ADCY7: variants seen among roughly 807,000 people sequenced by gnomAD.
The protein encoded by ADCY7 is adenylate cyclase 7.
ADCY7 carries 72 observed loss-of-function variants against 120.6 expected under a neutral mutation model. That is an observed-to-expected ratio of 0.60 (90% confidence interval 0.49 to 0.73). The LOEUF (loss-of-function observed/expected upper bound fraction) is 0.73, where lower values mean the gene tolerates loss of function less well. Ranked by LOEUF, ADCY7 falls within the 30% of genes least tolerant of loss-of-function variation. The pLI is 0.00. For missense variants in ADCY7, 1,227 were observed against 1,486.0 expected (o/e 0.83, Z 2.87); for synonymous variants, 661 against 628.0 (o/e 1.05, Z -0.78).
At chr16:50,253,741 G>T (rs537215884) in intron 1 of ADCY7, among the ~76,000 whole-genome samples, 1 of 152,162 alleles carries the variant, frequency 6.6e-6, no homozygotes, top group East Asian at 1.9e-4. Flanking sequence ...TTCTAATGAC[G>T]CCGCCCAGGC....
chr16:50,290,141 G>T (rs530517556), intron 2 of ADCY7, among the ~76,000 whole-genome samples: 129 of 152,344 alleles, frequency 8.5e-4, no homozygotes, highest in Non-Finnish European at 1.6e-3. Flanking sequence ...CTGTGCTTGT[G>T]GTATCACCTG....
At chr16:50,283,464 C>T (rs903443786) in intron 1 of ADCY7, among the ~76,000 whole-genome samples, 4 of 152,220 alleles carry the variant, frequency 2.6e-5, no homozygotes, top group Non-Finnish European at 5.9e-5. Context: ...CCAAAGAGAG[C>T]CTTCACTTCC....
intron 2 of ADCY7, among the ~76,000 whole-genome samples, chr16:50,288,881 T>C (rs2034754993): frequency 6.6e-6 from 1 of 152,204 alleles, no homozygotes; most frequent in Non-Finnish European, 1.5e-5. Context: ...CAGGTTGGCC[T>C]TGAACTCCTG....
chr16:50,246,229 G>A (rs2032580840), intron 1 of ADCY7: 1 of 149,592 alleles, frequency 6.7e-6, no homozygotes, highest in African/African-American at 2.4e-5. Context: ...GGGGGAGCGC[G>A]GCGGGCGGGC....
At chr16:50,250,456 C>CAAAAAAAA (rs34443362) in intron 1 of ADCY7, among the ~76,000 whole-genome samples, 1 of 69,144 alleles carries the variant, frequency 1.4e-5, no homozygotes, top group African/African-American at 5.5e-5. Context: ...GACTCTATCT[C>CAAAAAAAA]AAAAAAAAAA....
chr16:50,310,495 A>G (rs769203277), intron 18 of ADCY7, 192 bp from the exon 19 acceptor site: 17 of 1,537,064 alleles, frequency 1.1e-5, no homozygotes, highest in African/African-American at 6.8e-5. Context: ...AGCTCACTTC[A>G]TAAGAAATAA....
At position 50,305,576 on chromosome 16, in the gene ADCY7, A is replaced by G. The variant is rs780701566; in HGVS notation, c.1669A>G (p.Ser557Gly). 44 of 1,600,930 alleles carry G rather than the reference A, an allele frequency of 2.7e-5. No individual in the cohort carries two copies. The Admixed American group carries it at 7.4e-4, about 27-fold the overall frequency. The change falls in exon 13 of 26, where the codon AGC (serine) becomes GGC (glycine). Residue 557 changes from serine (S) to glycine (G), a missense_variant. This residue lies in a region of ADCY7 where 332 missense variants were observed against 455.8 expected (regional missense o/e 0.73). Transcript: ENST00000673801. ...DEMLSAIEGL[S>G]STRPCCSKSD... ...GATGCTGTCAGCCATTGAGGGGCTCAGCTCCACGAGGTGAGGTCTGAGACC... is the reference window on the plus strand; with the variant it reads ...GATGCTGTCAGCCATTGAGGGGCTCGGCTCCACGAGGTGAGGTCTGAGACC...
At chr16:50,285,629 G>T (rs550378923) in intron 1 of ADCY7, among the ~76,000 whole-genome samples, 23 of 152,312 alleles carry the variant, frequency 1.5e-4, no homozygotes, top group Middle Eastern at 6.8e-3. Flanking sequence ...CAGCCTCCCT[G>T]CCCTCTGCCT....
rs992158027 is a variant in ADCY7, at chr16:50,315,666, C to A, written c.*161C>A. ...CTGGAGGATTTCTCAGACACATGCA[C>A]CAGATTCTGGCTCGAAGCAGCCACT... On this transcript the variant is annotated 3_prime_UTR_variant, in exon 26 of 26. Transcript: ENST00000673801. 4.7e-5 allele frequency: 42 copies of A among 897,974 alleles called. No individual in the cohort carries two copies. Among genetic ancestry groups the A allele is most frequent in the Non-Finnish European group, 6.4e-5 (39 of 610,980 alleles). The allele number at this position is 897,974 out of a possible 1,614,324, so 55.6% of individuals were successfully genotyped here. A position where few individuals can be genotyped will look rare whatever the true frequency, so the allele number is the denominator to read the frequency against.
chr16:50,285,423 T>C (rs2034519216), intron 1 of ADCY7, among the ~76,000 whole-genome samples: 1 of 152,232 alleles, frequency 6.6e-6, no homozygotes. Flanking sequence ...GCTCCTGGAA[T>C]TGAGGTGGCC....
intron 22 of ADCY7, chr16:50,313,746 G>A: frequency 1.7e-6 from 1 of 572,548 alleles, no homozygotes; most frequent in Non-Finnish European, 3.1e-6. Flanking sequence ...GGGAGACAGT[G>A]TGGGGACGGA....
intron 1 of ADCY7, among the ~76,000 whole-genome samples, chr16:50,260,450 A>C (rs1054871844): frequency 1.3e-5 from 2 of 152,240 alleles, no homozygotes; most frequent in African/African-American, 2.4e-5. Flanking sequence ...CTCAAATGGT[A>C]TCATGAAGAC....
chr16:50,269,358 A>G (rs774869218), intron 1 of ADCY7, among the ~76,000 whole-genome samples: 6 of 152,182 alleles, frequency 3.9e-5, no homozygotes, highest in Non-Finnish European at 7.4e-5. Context: ...CAAAGCTGAG[A>G]ACAGGGGCTC....
chr16:50,257,347 G>C (rs1172893380), intron 1 of ADCY7, among the ~76,000 whole-genome samples: 1 of 152,054 alleles, frequency 6.6e-6, no homozygotes, highest in Non-Finnish European at 1.5e-5. Context: ...GATAGAGAGA[G>C]GTCAGTCAAA....
At chr16:50,306,953 C>T in intron 14 of ADCY7, 97 bp from the exon 15 acceptor site, 1 of 916,748 alleles carries the variant, frequency 1.1e-6, no homozygotes, top group Non-Finnish European at 1.7e-6. Flanking sequence ...GCCACTGTCC[C>T]AGCAGGGAGG....
chr16:50,288,933 G>A (rs1190843177), intron 2 of ADCY7, among the ~76,000 whole-genome samples: 1 of 152,140 alleles, frequency 6.6e-6, no homozygotes, highest in African/African-American at 2.4e-5. Context: ...GAGTAGCTGG[G>A]AGTACAAGCA....
At position 50,255,402 on chromosome 16, in the gene ADCY7, GAA is replaced by G. The variant is rs60335173; in HGVS notation, c.-64+9217_-64+9218del. ...CCTGGCCCATAAGACTCTGTTTCTG[GAA>G]AAAAAAAAAAAAAAAAAGACGTATC... On this transcript the variant is annotated intron_variant, in intron 1 of 4. Coordinates refer to the ADCY7 transcript ENST00000564044. 5.8e-4 allele frequency among the ~76,000 whole-genome samples: 63 copies of G among 108,136 alleles called. No homozygotes were observed. The East Asian group carries it at 0.014, about 24-fold the overall frequency. The allele number at this position is 108,136 out of a possible 152,430, so 70.9% of individuals were successfully genotyped here. A position where few individuals can be genotyped will look rare whatever the true frequency, so the allele number is the denominator to read the frequency against.
chr16:50,279,577 G>A (rs1596859463), intron 1 of ADCY7: 1 of 152,220 alleles, frequency 6.6e-6, no homozygotes, highest in African/African-American at 2.4e-5. Flanking sequence ...CAGAGACCTA[G>A]CAGATACCCT....
intron 1 of ADCY7, among the ~76,000 whole-genome samples, chr16:50,272,561 T>G (rs1194602966): frequency 6.6e-6 from 1 of 152,132 alleles, no homozygotes; most frequent in Non-Finnish European, 1.5e-5. Flanking sequence ...TGTGTCTTCC[T>G]GGTGGGAGCT....
Sources: gnomAD v4.1 joint callset for allele counts (sites outside exome capture counted in the v4.1 genomes callset) on GRCh38, gnomAD v4.1.1 for gene constraint, gnomAD v4.1.1 regional missense constraint, MANE v1.5 for transcripts, NCBI Gene and HGNC (gene_info 2026-07-23, HGNC 2026-07-21) for gene names.